The following TSPEAR variants were observed in gnomAD, a reference collection of about 807,000 sequenced individuals.
The protein encoded by TSPEAR is thrombospondin-type laminin G domain and EAR repeat-containing protein.
Under a neutral mutation model 71.6 loss-of-function variants are expected in TSPEAR, and 69 were observed. The observed-to-expected ratio is 0.96, with a 90% CI of 0.79 to 1.18. The LOEUF (loss-of-function observed/expected upper bound fraction) is 1.18, where lower values mean the gene tolerates loss of function less well. Ranked by LOEUF, TSPEAR falls within the 50% of genes most tolerant of loss-of-function variation. TSPEAR has a pLI of 0.00. For synonymous variants in TSPEAR, 402 were observed against 387.2 expected, an observed-to-expected ratio of 1.04 and a Z score of -0.45; for missense variants, 971 against 894.9, an observed-to-expected ratio of 1.09 and a Z score of -1.09.
chr21:44,625,385 G>A (rs1982701249), intron 1 of TSPEAR, among the ~76,000 whole-genome samples: 1 of 152,230 alleles, frequency 6.6e-6, no homozygotes, highest in South Asian at 2.1e-4. Flanking sequence ...TTGAGCCCAG[G>A]AGTTCAAGAC....
chr21:44,503,920 G>A lies in TSPEAR; in HGVS notation c.1856+860C>T, dbSNP rs1199092163. Among the ~76,000 whole-genome samples the A allele has an allele frequency of 7.7e-5, 11 of 143,228 alleles. No individual in the cohort carries two copies. The East Asian group carries it at 1.3e-3, about 16-fold the overall frequency. The allele number at this position is 143,228 out of a possible 152,430, so 94.0% of individuals were successfully genotyped here. A position where few individuals can be genotyped will look rare whatever the true frequency, so the allele number is the denominator to read the frequency against. On this transcript the variant is annotated intron_variant, in intron 11 of 11. Coordinates refer to ENST00000323084, the MANE Select transcript of TSPEAR (RefSeq NM_144991.3). The stretch of plus-strand genomic sequence containing the variant: ...AATGTGCTGGGAGGAAGCTGGCCTC[G>A]GTGAGCCCTCGGCGGGAAGCAAGGC...
At chr21:44,654,352 G>A (rs892882354) in intron 1 of TSPEAR, 4 of 1,614,164 alleles carry the variant, frequency 2.5e-6, no homozygotes, top group Non-Finnish European at 2.5e-6. Flanking sequence ...GCACCCAGAG[G>A]TTGGGCAGAA....
At chr21:44,637,591 G>C (rs782297867) in intron 1 of TSPEAR, 1 of 1,613,826 alleles carries the variant, frequency 6.2e-7, no homozygotes, top group Non-Finnish European at 8.5e-7. Context: ...CGGCCTGTGA[G>C]CCCAGCGCCT....
intron 1 of TSPEAR, among the ~76,000 whole-genome samples, chr21:44,654,998 G>T (rs144961226): frequency 6.6e-6 from 1 of 152,094 alleles, no homozygotes; most frequent in Admixed American, 6.5e-5. Flanking sequence ...CAGGGGCCCC[G>T]TTTTGACTGA....
At position 44,612,253 on chromosome 21, in the gene TSPEAR, C is replaced by T. The variant is rs782142098; in HGVS notation, c.83-44248G>A. 5.0e-5 allele frequency: 81 copies of T among 1,613,404 alleles called. No individual in the cohort carries two copies. Among genetic ancestry groups the T allele is most frequent in the African/African-American group, 6.7e-5 (5 of 74,906 alleles). On this transcript the variant is annotated intron_variant, in intron 1 of 11. Coordinates refer to ENST00000323084, the MANE Select transcript of TSPEAR (RefSeq NM_144991.3). This position sits in a 1 kb window ranked among gnomAD's most constrained non-coding sequence, Gnocchi z 4.1. ...TGGACAATTGCCAGGAAAGCTGCTG[C>T]GAGCCCCGCTCCTGTGCCTCCAGCT...
At chr21:44,510,262 C>T (rs2145924046) in intron 9 of TSPEAR, among the ~76,000 whole-genome samples, 1 of 152,282 alleles carries the variant, frequency 6.6e-6, no homozygotes, top group South Asian at 2.1e-4. Flanking sequence ...CCGGGGATCC[C>T]TGCGCACGGT....
At position 44,520,194 on chromosome 21, in the gene TSPEAR, C is replaced by T. The variant is rs57003632; in HGVS notation, c.1566+1689G>A. On this transcript the variant is annotated intron_variant, in intron 9 of 11. Coordinates refer to ENST00000323084, the MANE Select transcript of TSPEAR (RefSeq NM_144991.3). The surrounding 1 kb of genome is among the most constrained non-coding windows in gnomAD (Gnocchi z 4.2). ...CAATGGCTCACTCCCTCCCAGCCACCGACCAGTCATTATCGTGCAGCCCTG... is the reference window on the plus strand; with the variant it reads ...CAATGGCTCACTCCCTCCCAGCCACTGACCAGTCATTATCGTGCAGCCCTG... 0.04 allele frequency: 6,143 copies of T among 152,276 alleles called. 408 individuals are homozygous for T. Among genetic ancestry groups the T allele is most frequent in the African/African-American group, 0.14 (5,639 of 41,486 alleles). The allele number at this position is 152,276 out of a possible 1,614,324, so 9.4% of individuals were successfully genotyped here.
At chr21:44,570,994 A>G (rs1370317274) in intron 1 of TSPEAR, among the ~76,000 whole-genome samples, 3 of 152,232 alleles carry the variant, frequency 2.0e-5, no homozygotes, top group African/African-American at 7.2e-5. Context: ...ACCTTCCAAC[A>G]CAGAAAAACT....
intron 1 of TSPEAR, among the ~76,000 whole-genome samples, chr21:44,645,745 A>C (rs1444664587): frequency 3.3e-5 from 5 of 152,142 alleles, no homozygotes; most frequent in Non-Finnish European, 7.3e-5. Context: ...AAAAGTAATA[A>C]AATATATCTA....
intron 1 of TSPEAR, among the ~76,000 whole-genome samples, chr21:44,586,699 A>G (rs1979361557): frequency 6.6e-6 from 1 of 152,010 alleles, no homozygotes; most frequent in Non-Finnish European, 1.5e-5. Context: ...TGAGCCTTTC[A>G]TACAAATAGA....
chr21:44,627,161 C>T (rs782520340), intron 1 of TSPEAR: 38 of 1,609,152 alleles, frequency 2.4e-5, no homozygotes, highest in African/African-American at 6.7e-5. Context: ...TCACCTCCTC[C>T]CCACCCCAGC....
intron 9 of TSPEAR, among the ~76,000 whole-genome samples, chr21:44,514,636 G>A (rs2052500957): frequency 6.6e-6 from 1 of 152,216 alleles, no homozygotes; most frequent in African/African-American, 2.4e-5. Flanking sequence ...GACCGCGACT[G>A]CACGGCCTAC....
At chr21:44,584,696 G>T (rs1446837943) in intron 1 of TSPEAR, among the ~76,000 whole-genome samples, 1 of 152,146 alleles carries the variant, frequency 6.6e-6, no homozygotes, top group Non-Finnish European at 1.5e-5. Flanking sequence ...GAAGATCTCT[G>T]TCTTCTTCTG....
intron 1 of TSPEAR, chr21:44,702,611 CTG>C: frequency 6.2e-7 from 1 of 1,604,666 alleles, no homozygotes; most frequent in South Asian, 1.1e-5. Flanking sequence ...CCCTCCTCCT[CTG>C]TGTCCCTCCT....
chr21:44,646,526 CAG>C (rs1984380893), intron 1 of TSPEAR: 1 of 1,612,686 alleles, frequency 6.2e-7, no homozygotes, highest in Admixed American at 1.7e-5. Flanking sequence ...GACGACTGCC[CAG>C]AGAGCTGCTG....
chr21:44,535,725 C>T (rs782490886), intron 2 of TSPEAR, among the ~76,000 whole-genome samples: 2 of 152,112 alleles, frequency 1.3e-5, no homozygotes, highest in African/African-American at 2.4e-5. Flanking sequence ...CACCACCACA[C>T]CCAGCTAATT....
In TSPEAR at chr21:44,529,857, C is replaced by T. The variant is rs201853796; in HGVS notation, c.731G>A (p.Arg244Gln). 244 of 1,613,834 alleles carry T rather than the reference C, an allele frequency of 1.5e-4. 2 individuals carry two copies. The South Asian group carries it at 2.4e-3, about 16-fold the overall frequency. The part of the protein sequence containing the change: ...NAPLAVLSIP[R>Q]VLQALTGKPE... ...CTTCCCCGTGAGAGCCTGCAGGACC[C>T]GTGGGATGGACAGCACCGCCAGCGG... The change falls in exon 5 of 12, where the codon CGG (arginine) becomes CAG (glutamine). Residue 244 changes from arginine (R) to glutamine (Q), a missense_variant. Arg to Gln is a conservative substitution (Grantham distance 43). Transcript: ENST00000323084.
At chr21:44,582,396 A>G (rs1205629575) in intron 1 of TSPEAR, among the ~76,000 whole-genome samples, 1 of 152,216 alleles carries the variant, frequency 6.6e-6, no homozygotes, top group Non-Finnish European at 1.5e-5. Flanking sequence ...AGTGGCAGGC[A>G]GGGAGGCAGG....
intron 1 of TSPEAR, chr21:44,574,131 TGTGTG>T (rs1555923235): frequency 6.3e-7 from 1 of 1,597,108 alleles, no homozygotes; most frequent in African/African-American, 1.3e-5. Flanking sequence ...GCCTGTGTGC[TGTGTG>T]CCCGTCTGCT....
Sources: gnomAD v4.1 joint callset for allele counts (sites outside exome capture counted in the v4.1 genomes callset) on GRCh38, gnomAD v4.1.1 for gene constraint, Gnocchi (gnomAD v3.1) non-coding constraint, MANE v1.5 for transcripts, NCBI Gene and HGNC (gene_info 2026-07-23, HGNC 2026-07-21) for gene names.